RGL1: variants seen among roughly 807,000 people sequenced by gnomAD.
The protein encoded by RGL1 is ral guanine nucleotide dissociation stimulator like 1, also known as ral guanine nucleotide dissociation stimulator-like 1.
Under a neutral mutation model 95.2 loss-of-function variants are expected in RGL1, and 24 were observed. The ratio of observed to expected loss-of-function variants is 0.25; its 90% CI spans 0.18 to 0.35. RGL1 has a LOEUF of 0.35. Ranked by LOEUF, RGL1 falls within the 10% of genes least tolerant of loss-of-function variation. The pLI is 1.00. For synonymous variants in RGL1, 329 were observed against 344.9 expected, an observed-to-expected ratio of 0.95 and a Z score of 0.51; for missense variants, 715 against 936.3, an observed-to-expected ratio of 0.76 and a Z score of 3.08.
chr1:183,873,061 T>A (rs1666275788), intron 4 of RGL1, among the ~76,000 whole-genome samples: 1 of 152,212 alleles, frequency 6.6e-6, no homozygotes, highest in South Asian at 2.1e-4. Context: ...CTAAGTCAAG[T>A]CTGCATTTTA....
intron 1 of RGL1, among the ~76,000 whole-genome samples, chr1:183,720,495 A>G (rs1655960269): frequency 2.6e-5 from 4 of 152,220 alleles, no homozygotes; most frequent in Non-Finnish European, 5.9e-5. Context: ...CGGTGCTGCC[A>G]ATGTGCAAAG....
chr1:183,771,887 G>A (rs1659292257), intron 2 of RGL1, among the ~76,000 whole-genome samples: 1 of 152,242 alleles, frequency 6.6e-6, no homozygotes, highest in African/African-American at 2.4e-5. Context: ...GAGCAGAGCA[G>A]ATAGGCGGAG....
intron 1 of RGL1, among the ~76,000 whole-genome samples, chr1:183,707,890 G>T (rs559701918): frequency 5.3e-5 from 8 of 152,190 alleles, no homozygotes; most frequent in African/African-American, 1.7e-4. Context: ...GGGTGGGGAG[G>T]AGGAAGGCGA....
chr1:183,845,363 G>A (rs1664351267), intron 2 of RGL1, among the ~76,000 whole-genome samples: 1 of 152,224 alleles, frequency 6.6e-6, no homozygotes, highest in Non-Finnish European at 1.5e-5. Context: ...ACTGCAGAAT[G>A]TAAGGCACAC....
intron 1 of RGL1, among the ~76,000 whole-genome samples, chr1:183,692,677 A>C (rs1395569382): frequency 1.3e-5 from 2 of 152,088 alleles, no homozygotes; most frequent in South Asian, 4.2e-4. Flanking sequence ...CTTAACTCTC[A>C]CTCTATAAAC....
At chr1:183,681,606 T>C (rs1653218595) in intron 1 of RGL1, among the ~76,000 whole-genome samples, 1 of 152,236 alleles carries the variant, frequency 6.6e-6, no homozygotes, top group Admixed American at 6.5e-5. Flanking sequence ...TTTGCATCGA[T>C]GTTCATCAAA....
At chr1:183,794,741 C>T (rs1333146279) in intron 2 of RGL1, among the ~76,000 whole-genome samples, 2 of 152,196 alleles carry the variant, frequency 1.3e-5, no homozygotes, top group East Asian at 3.8e-4. Flanking sequence ...CTTTCTTCCT[C>T]CCCAAACATA....
intron 1 of RGL1, among the ~76,000 whole-genome samples, chr1:183,653,733 C>A (rs1005258553): frequency 6.6e-6 from 1 of 152,214 alleles, no homozygotes; most frequent in African/African-American, 2.4e-5. Flanking sequence ...CGGTTTCCCT[C>A]CTCTTAGAAA....
chr1:183,912,342 G>A (rs750809092), intron 15 of RGL1, 74 bp downstream of exon 15: 9 of 1,260,314 alleles, frequency 7.1e-6, no homozygotes, highest in South Asian at 1.4e-5. Context: ...AGCAAGGAAT[G>A]TCTGTTTTTA....
At chr1:183,709,223 G>A (rs941003914) in intron 1 of RGL1, 2 of 152,296 alleles carry the variant, frequency 1.3e-5, no homozygotes, top group Non-Finnish European at 2.9e-5. Context: ...GTGTTCTTGC[G>A]CCTTGGGACT....
At chr1:183,647,883 T>A in intron 1 of RGL1, 2 of 1,614,144 alleles carry the variant, frequency 1.2e-6, no homozygotes, top group East Asian at 4.5e-5. Flanking sequence ...TGGTGGTAAG[T>A]CCCTGAGAGG....
intron 4 of RGL1, among the ~76,000 whole-genome samples, chr1:183,873,225 A>C (rs1351925568): frequency 6.6e-6 from 1 of 152,232 alleles, no homozygotes; most frequent in East Asian, 1.9e-4. Flanking sequence ...TCTTTTAGAA[A>C]GGAAAACAGA....
intron 2 of RGL1, among the ~76,000 whole-genome samples, chr1:183,773,446 T>C (rs1446250850): frequency 6.6e-6 from 1 of 152,194 alleles, no homozygotes; most frequent in African/African-American, 2.4e-5. Context: ...TCTTTGCCTG[T>C]TTGTGTTTCG....
chr1:183,668,787 T>C (rs976788611), intron 1 of RGL1, among the ~76,000 whole-genome samples: 1 of 152,148 alleles, frequency 6.6e-6, no homozygotes, highest in Non-Finnish European at 1.5e-5. Flanking sequence ...TTGCTTCAAA[T>C]ATTGCTTCTG....
chr1:183,912,296 C>G, intron 15 of RGL1, 28 bp downstream of exon 15: 1 of 1,582,928 alleles, frequency 6.3e-7, no homozygotes, highest in Non-Finnish European at 8.6e-7. Context: ...CTCATAATTC[C>G]TAATGCAGGC....
intron 12 of RGL1, 125 bp from the exon 13 acceptor site, chr1:183,904,722 ATCC>A: frequency 2.1e-6 from 2 of 970,482 alleles, no homozygotes; most frequent in Non-Finnish European, 2.9e-6. Context: ...GTATTTCAGA[ATCC>A]TCCTAGATGG....
At chr1:183,877,564 G>A (rs925160211) in intron 4 of RGL1, among the ~76,000 whole-genome samples, 7 of 152,154 alleles carry the variant, frequency 4.6e-5, no homozygotes, top group East Asian at 1.9e-4. Flanking sequence ...GCTGAGAAAC[G>A]CTCTGCCGAT....
intron 2 of RGL1, among the ~76,000 whole-genome samples, chr1:183,838,828 A>C (rs1306089291): frequency 6.6e-6 from 1 of 152,202 alleles, no homozygotes; most frequent in Non-Finnish European, 1.5e-5. Context: ...TAGCATTGCT[A>C]ATTTTCATGG....
chr1:183,845,429 A>G (rs1215368484), intron 2 of RGL1, among the ~76,000 whole-genome samples: 1 of 152,220 alleles, frequency 6.6e-6, no homozygotes, highest in Non-Finnish European at 1.5e-5. Flanking sequence ...TAAGCTGTGA[A>G]GATTTTATTA....
Sources: gnomAD v4.1 joint callset for allele counts (sites outside exome capture counted in the v4.1 genomes callset) on GRCh38, gnomAD v4.1.1 for gene constraint, MANE v1.5 for transcripts, NCBI Gene and HGNC (gene_info 2026-07-23, HGNC 2026-07-21) for gene names.